The following MYLK4 variants were observed in gnomAD, a reference collection of about 807,000 sequenced individuals.
MYLK4 encodes the protein myosin light chain kinase family member 4.
Under a neutral mutation model 48.1 loss-of-function variants are expected in MYLK4, and 46 were observed. The observed-to-expected ratio is 0.96, with a 90% CI of 0.75 to 1.22. The LOEUF is 1.22. Ranked by LOEUF, MYLK4 falls within the 50% of genes most tolerant of loss-of-function variation. The pLI is 0.00. For synonymous variants in MYLK4, 170 were observed against 180.8 expected (o/e 0.94, Z 0.48); for missense variants, 451 against 486.1 (o/e 0.93, Z 0.68).
At chr6:2,716,382 C>A (rs1026077943) in intron 2 of MYLK4, among the ~76,000 whole-genome samples, 2 of 152,156 alleles carry the variant, frequency 1.3e-5, no homozygotes, top group Non-Finnish European at 2.9e-5. Context: ...TTGGGTAAAT[C>A]CTTTAAGGAA....
chr6:2,756,716 A>G, the MYLK4 span, among the ~76,000 whole-genome samples: 21 of 152,362 alleles, frequency 1.4e-4, 1 homozygote, highest in East Asian at 3.1e-3. Flanking sequence ...TAAACATGAG[A>G]AAACACAAAA....
intron 2 of MYLK4, among the ~76,000 whole-genome samples, chr6:2,726,605 ATTTTTTTTTTT>A (rs70995390): frequency 8.5e-6 from 1 of 118,280 alleles, no homozygotes; most frequent in Non-Finnish European, 1.8e-5. Flanking sequence ...CTACTATACA[ATTTTTTTTTTT>A]TTTTTTTTTT....
intron 2 of MYLK4, among the ~76,000 whole-genome samples, chr6:2,734,450 C>T (rs1763592738): frequency 1.3e-5 from 2 of 152,176 alleles, no homozygotes; most frequent in African/African-American, 4.8e-5. Flanking sequence ...GCTTATCTAA[C>T]TGGCCACAGG....
chr6:2,715,448 A>G (rs17291546), intron 2 of MYLK4, among the ~76,000 whole-genome samples: 3,692 of 152,274 alleles, frequency 0.024, 66 homozygotes, highest in Middle Eastern at 0.037. Context: ...ATAAAAGCCA[A>G]TTTCATCTAT....
At chr6:2,767,440 T>C in the MYLK4 span, among the ~76,000 whole-genome samples, 1 of 152,246 alleles carries the variant, frequency 6.6e-6, no homozygotes, top group Admixed American at 6.5e-5. Flanking sequence ...TTTCTAGCTT[T>C]ATCTCCCACA....
chr6:2,678,250 A>C lies in MYLK4; in HGVS notation c.1010T>G (p.Phe337Cys). The C allele has an allele frequency of 6.2e-7, 1 of 1,614,124 alleles. No individual in the cohort carries two copies. The highest frequency in any genetic ancestry group is 8.5e-7 in the Non-Finnish European group (1 of 1,180,010). ...FQDISEEAKE[F>C]ISKLLIKEKS... ...CTCCTTAATCAGAAGCTTAGAGATG[A>C]ACTCCTTGGCCTCCTCCGAGATGTC... The change falls in exon 10 of 13, where the codon TTC becomes TGC. Residue 337 changes from phenylalanine to cysteine, a missense_variant. Physicochemically the swap from Phe to Cys is radical, Grantham distance 205. Transcript: ENST00000274643.
intron 2 of MYLK4, among the ~76,000 whole-genome samples, chr6:2,699,055 C>G (rs1249248498): frequency 6.6e-6 from 1 of 152,120 alleles, no homozygotes; most frequent in Non-Finnish European, 1.5e-5. Flanking sequence ...AAAATTAAAG[C>G]CTTTCCATGC....
chr6:2,677,800 A>C (rs1460398876), intron 10 of MYLK4, among the ~76,000 whole-genome samples: 2 of 152,198 alleles, frequency 1.3e-5, no homozygotes, highest in Admixed American at 6.5e-5. Context: ...GGTAGTTAAA[A>C]GAGATAATGT....
At position 2,667,392 on chromosome 6, in the gene MYLK4, A is replaced by C. The variant is rs1023199097; in HGVS notation, c.*533T>G. The C allele has an allele frequency of 2.3e-4, 35 of 152,154 alleles. No individual in the cohort carries two copies. The highest frequency in any genetic ancestry group is 8.4e-4 in the African/African-American group (35 of 41,430). 9.4% of individuals were successfully genotyped at this position (152,154 alleles called of 1,614,324 possible). A position where few individuals can be genotyped will look rare whatever the true frequency, so the allele number is the denominator to read the frequency against. ...ATTGTAGTCACGTGACCACAGACCA[A>C]ATCAAAATGACAGAGTCTGTGAAAC... is the stretch of plus-strand genomic sequence containing the variant. On this transcript the variant is annotated 3_prime_UTR_variant, in exon 13 of 13. Coordinates refer to ENST00000274643, the MANE Select transcript of MYLK4 (RefSeq NM_001012418.5).
At chr6:2,669,725 T>C (rs1760810924) in intron 12 of MYLK4, among the ~76,000 whole-genome samples, 1 of 152,212 alleles carries the variant, frequency 6.6e-6, no homozygotes, top group African/African-American at 2.4e-5. Context: ...ACGAGGGTCC[T>C]TTCTTGCTCC....
chr6:2,698,086 G>C (rs1219661121), intron 2 of MYLK4, among the ~76,000 whole-genome samples: 1 of 152,240 alleles, frequency 6.6e-6, no homozygotes, highest in African/African-American at 2.4e-5. Context: ...TGGGATTACA[G>C]TTGCTGCAGA....
At chr6:2,754,574 A>G (rs1034351104), upstream of MYLK4, among the ~76,000 whole-genome samples, 1 of 152,246 alleles carries the variant, frequency 6.6e-6, no homozygotes, top group African/African-American at 2.4e-5. Flanking sequence ...GATGTGTGGT[A>G]GTGATGACTG....
At chr6:2,693,551 A>G (rs570504306) in intron 2 of MYLK4, among the ~76,000 whole-genome samples, 1 of 152,326 alleles carries the variant, frequency 6.6e-6, no homozygotes, top group Non-Finnish European at 1.5e-5. Context: ...AATGTACCCC[A>G]TATAAAAGGG....
At chr6:2,713,545 A>G (rs988783375) in intron 2 of MYLK4, among the ~76,000 whole-genome samples, 16 of 152,162 alleles carry the variant, frequency 1.1e-4, no homozygotes, top group Admixed American at 7.9e-4. Flanking sequence ...AGTCTTTGCC[A>G]CTGCTTGGTG....
the MYLK4 span, among the ~76,000 whole-genome samples, chr6:2,757,139 C>CTT: frequency 0.25 from 35,613 of 144,118 alleles, 4,422 homozygotes; most frequent in East Asian, 0.38. Context: ...CAGAGGTGTG[C>CTT]TTTTTTTTTT....
At chr6:2,756,331 AC>A in the MYLK4 span, among the ~76,000 whole-genome samples, 2 of 152,200 alleles carry the variant, frequency 1.3e-5, no homozygotes, top group Non-Finnish European at 2.9e-5. Context: ...ATATTGGCCA[AC>A]GGAAGTGCCT....
chr6:2,692,666 A>T, intron 3 of MYLK4, 118 bp downstream of exon 3: 1 of 709,720 alleles, frequency 1.4e-6, no homozygotes, highest in Non-Finnish European at 2.1e-6. Context: ...ATTTTTTTAT[A>T]AACATCACTT....
rs1474292003 is a variant in MYLK4 at position 2,741,050 on chromosome 6, A to G, written c.159+8086T>C. 3.3e-5 allele frequency among the ~76,000 whole-genome samples: 5 copies of G among 152,222 alleles called. No homozygotes were observed. In the East Asian group the frequency reaches 9.6e-4, roughly 29 times the overall value. ...TTAGAAATCTATAAATAAAACATCA[A>G]AACCATGATTTCACTTTATTTTTGC... On this transcript the variant is annotated intron_variant, in intron 2 of 12. Transcript: ENST00000274643.
At chr6:2,684,246 G>T (rs189554387) in intron 6 of MYLK4, among the ~76,000 whole-genome samples, 23 of 152,308 alleles carry the variant, frequency 1.5e-4, no homozygotes, top group Middle Eastern at 3.4e-3. Context: ...ACCGCAGGGA[G>T]TGGTGGAGAC....
Sources: gnomAD v4.1 joint callset for allele counts (sites outside exome capture counted in the v4.1 genomes callset) on GRCh38, gnomAD v4.1.1 for gene constraint, MANE v1.5 for transcripts, NCBI Gene and HGNC (gene_info 2026-07-23, HGNC 2026-07-21) for gene names.